SCAI: variants seen among roughly 807,000 people sequenced by gnomAD.
The protein encoded by SCAI is suppressor of cancer cell invasion, also known as protein SCAI.
In SCAI, 24 loss-of-function variants were observed where a neutral mutation model predicts 92.2. The ratio of observed to expected loss-of-function variants is 0.26; its 90% confidence interval spans 0.19 to 0.37. The LOEUF (loss-of-function observed/expected upper bound fraction) is 0.37. SCAI is among the 10% of genes least tolerant of loss of function. SCAI has a pLI of 1.00. For missense variants in SCAI, 450 were observed against 736.2 expected, an observed-to-expected ratio of 0.61 and a Z score of 4.50; for synonymous variants, 261 against 258.6, an observed-to-expected ratio of 1.01 and a Z score of -0.09.
At position 125,131,403 on chromosome 9, in the gene SCAI, G is replaced by A. The variant is rs376885619; in HGVS notation, c.98+11230C>T. On this transcript the variant is annotated intron_variant, in intron 2 of 17. Coordinates refer to ENST00000336505, the MANE Select transcript of SCAI (RefSeq NM_001144877.3). ...AGCCTGGGCAACAGAGCAAGACTCCGTCTCAAAAAAAAAAAAAAAAGAAAA... is the reference window on the plus strand; with the variant it reads ...AGCCTGGGCAACAGAGCAAGACTCCATCTCAAAAAAAAAAAAAAAAGAAAA... Among the ~76,000 whole-genome samples, 128 of 140,034 alleles carry A rather than the reference G, an allele frequency of 9.1e-4. 1 individual carries two copies. In the East Asian group the frequency reaches 0.017, roughly 19 times the overall value. The allele number at this position is 140,034 out of a possible 152,430, so 91.9% of individuals were successfully genotyped here. A position where few individuals can be genotyped will look rare whatever the true frequency, so the allele number is the denominator to read the frequency against.
At chr9:125,028,289 C>T (rs542466623) in intron 5 of SCAI, 103 bp downstream of exon 5, 8 of 646,244 alleles carry the variant, frequency 1.2e-5, no homozygotes, top group African/African-American at 1.9e-5. Flanking sequence ...ATTTGTAACT[C>T]GTGATTTTCA....
At chr9:125,016,116 C>T (rs186143728) in intron 9 of SCAI, among the ~76,000 whole-genome samples, 2,316 of 149,398 alleles carry the variant, frequency 0.016, 64 homozygotes, top group African/African-American at 0.055. Flanking sequence ...ACCAGCATGG[C>T]ACATGTATAC....
intron 13 of SCAI, among the ~76,000 whole-genome samples, chr9:124,997,261 T>C (rs996985987): frequency 1.3e-5 from 2 of 152,126 alleles, no homozygotes; most frequent in East Asian, 1.9e-4. Context: ...GCACAACACA[T>C]AGTTTATCCA....
In SCAI at chr9:125,003,478, T is replaced by A; in HGVS notation, c.954A>T (p.Pro318=). The A allele has an allele frequency of 1.2e-6, 2 of 1,607,556 alleles. No homozygotes were observed. Among genetic ancestry groups the A allele is most frequent in the Non-Finnish European group, 1.7e-6 (2 of 1,174,090 alleles). The change falls in exon 10 of 18, where the codon CCA becomes CCT. Residue 318 remains proline, a synonymous_variant. Transcript: ENST00000336505. ...PMNLASQMNK[P]GMQESADKPT... ...TAAAAGAGGAGATTACCTGCATTCC[T>A]GGTTTATTCATCTGGGAAGCTAAAT...
chr9:125,040,932 C>T (rs1833308298), intron 3 of SCAI, among the ~76,000 whole-genome samples: 2 of 152,096 alleles, frequency 1.3e-5, no homozygotes, highest in Admixed American at 6.6e-5. Context: ...CCGCACCCGG[C>T]CTCCCTGTTT....
At chr9:124,992,838 T>G (rs1832162875) in intron 14 of SCAI, among the ~76,000 whole-genome samples, 2 of 152,198 alleles carry the variant, frequency 1.3e-5, no homozygotes, top group Non-Finnish European at 2.9e-5. Flanking sequence ...AATCTAAAAT[T>G]AAGCCATGAT....
intron 2 of SCAI, among the ~76,000 whole-genome samples, chr9:125,107,631 T>C (rs1204081412): frequency 2.0e-5 from 3 of 152,018 alleles, no homozygotes; most frequent in Non-Finnish European, 4.4e-5. Flanking sequence ...CCAGGTGTCA[T>C]GGCATGTGCC....
intron 2 of SCAI, among the ~76,000 whole-genome samples, chr9:125,133,726 C>T (rs574940394): frequency 6.6e-6 from 1 of 151,840 alleles, no homozygotes; most frequent in Non-Finnish European, 1.5e-5. Flanking sequence ...TGTACCTCTA[C>T]AGACCTGTTC....
intron 3 of SCAI, among the ~76,000 whole-genome samples, chr9:125,034,908 T>C (rs1833161012): frequency 1.3e-5 from 2 of 152,252 alleles, no homozygotes; most frequent in African/African-American, 4.8e-5. Context: ...CATAGTTATA[T>C]GTCAAAATGT....
intron 14 of SCAI, among the ~76,000 whole-genome samples, chr9:124,994,453 T>C (rs1445260633): frequency 6.6e-6 from 1 of 152,236 alleles, no homozygotes; most frequent in Non-Finnish European, 1.5e-5. Context: ...CCATCTTTTT[T>C]TTGTGATTGT....
At chr9:125,073,143 C>T (rs1834014782) in intron 2 of SCAI, among the ~76,000 whole-genome samples, 1 of 109,454 alleles carries the variant, frequency 9.1e-6, no homozygotes, top group Non-Finnish European at 1.7e-5. Context: ...CTCGCTCGGT[C>T]GCCCAGGCTG....
chr9:125,034,127 G>C (rs1197983324), intron 3 of SCAI, among the ~76,000 whole-genome samples: 2 of 152,084 alleles, frequency 1.3e-5, no homozygotes, highest in Non-Finnish European at 2.9e-5. Context: ...CAGAGGGAGG[G>C]GGCAGTTCCC....
In SCAI at chr9:124,979,397, G is replaced by A. The variant is rs750801732; in HGVS notation, c.1327-3211C>T. ...TCTACTAAAAATACAAAAATTAGCCGGGCATGGTGGCGTGTGCTTGTAATC... is the reference window on the plus strand; with the variant it reads ...TCTACTAAAAATACAAAAATTAGCCAGGCATGGTGGCGTGTGCTTGTAATC... On this transcript the variant is annotated intron_variant, in intron 14 of 17. Coordinates refer to ENST00000336505, the MANE Select transcript of SCAI (RefSeq NM_001144877.3). 4.0e-5 allele frequency among the ~76,000 whole-genome samples: 6 copies of A among 151,568 alleles called. No homozygotes were observed. In the East Asian group the frequency reaches 8.0e-4, roughly 20 times the overall value.
At chr9:125,000,062 G>A in intron 12 of SCAI, 72 bp from the exon 13 acceptor site, 3 of 636,686 alleles carry the variant, frequency 4.7e-6, no homozygotes, top group Non-Finnish European at 8.1e-6. Flanking sequence ...AAATACAAAG[G>A]TACTGTGTGA....
chr9:125,008,833 C>A (rs1444942308), intron 9 of SCAI, among the ~76,000 whole-genome samples: 1 of 152,018 alleles, frequency 6.6e-6, no homozygotes, highest in Non-Finnish European at 1.5e-5. Context: ...AAGACATAAA[C>A]CCATAGATTC....
chr9:124,989,902 C>T (rs1314464326), intron 14 of SCAI, among the ~76,000 whole-genome samples: 2 of 150,534 alleles, frequency 1.3e-5, no homozygotes, highest in Admixed American at 6.7e-5. Context: ...AGGCCAGGCA[C>T]GATGGCTCAC....
chr9:125,142,824 G>A (rs2131281743), intron 1 of SCAI, 147 bp from the exon 2 acceptor site: 1 of 675,190 alleles, frequency 1.5e-6, no homozygotes, highest in Non-Finnish European at 2.7e-6. Context: ...AACGCCTCAT[G>A]CCCTGTTTCC....
At chr9:125,101,387 TA>T (rs139681349) in intron 2 of SCAI, among the ~76,000 whole-genome samples, 5,044 of 152,214 alleles carry the variant, frequency 0.033, 241 homozygotes, top group African/African-American at 0.11. Context: ...GGAAAATAGT[TA>T]AATGCTGAAT....
At chr9:125,112,359 C>T (rs149447648) in intron 2 of SCAI, among the ~76,000 whole-genome samples, 6 of 151,958 alleles carry the variant, frequency 3.9e-5, no homozygotes, top group Non-Finnish European at 2.9e-5. Context: ...TAACCAGACA[C>T]GGAAAGAAGA....
Sources: gnomAD v4.1 joint callset for allele counts (sites outside exome capture counted in the v4.1 genomes callset) on GRCh38, gnomAD v4.1.1 for gene constraint, MANE v1.5 for transcripts, NCBI Gene and HGNC (gene_info 2026-07-23, HGNC 2026-07-21) for gene names.